PIWIL2: variants seen among roughly 807,000 people sequenced by gnomAD.
The protein encoded by PIWIL2 is piwi-like protein 2.
A neutral mutation model predicts 116.5 loss-of-function variants in PIWIL2; 81 were observed. The observed-to-expected ratio is 0.70, with a 90% CI of 0.58 to 0.84. The LOEUF (loss-of-function observed/expected upper bound fraction) is 0.84. PIWIL2 is among the 40% of genes least tolerant of loss of function. The pLI, the probability that PIWIL2 is intolerant of heterozygous loss-of-function variation, is 0.00. For synonymous variants in PIWIL2, 489 were observed against 429.5 expected (o/e 1.14, Z -1.71); for missense variants, 1,272 against 1,212.3 (o/e 1.05, Z -0.73).
At chr8:22,289,145 C>CTTTTTTTTT (rs1263159507) in intron 8 of PIWIL2, among the ~76,000 whole-genome samples, 1 of 146,378 alleles carries the variant, frequency 6.8e-6, no homozygotes, top group Admixed American at 6.8e-5. Flanking sequence ...CTTTTCTTTT[C>CTTTTTTTTT]TTTTTTCTTT....
chr8:22,352,326 T>A (rs971723352), intron 20 of PIWIL2, among the ~76,000 whole-genome samples: 1 of 152,254 alleles, frequency 6.6e-6, no homozygotes, highest in Admixed American at 6.5e-5. Flanking sequence ...TCAAATTGCT[T>A]CAAGCAAGCA....
intron 13 of PIWIL2, among the ~76,000 whole-genome samples, chr8:22,306,740 A>AT (rs1383218204): frequency 3.9e-5 from 6 of 152,104 alleles, no homozygotes; most frequent in Non-Finnish European, 8.8e-5. Context: ...CCTATGAGAG[A>AT]TTTTTTTCAT....
At chr8:22,318,412 G>A (rs1192511663) in intron 20 of PIWIL2, 137 bp downstream of exon 20, 11 of 556,140 alleles carry the variant, frequency 2.0e-5, no homozygotes, top group Non-Finnish European at 2.6e-5. Flanking sequence ...CTGCCTCCTG[G>A]GTTCAAGCGG....
intron 20 of PIWIL2, among the ~76,000 whole-genome samples, chr8:22,330,351 CT>C (rs2132077776): frequency 6.6e-6 from 1 of 152,210 alleles, no homozygotes; most frequent in Non-Finnish European, 1.5e-5. Context: ...CATTCTCATA[CT>C]TTCGTTAAGG....
intron 19 of PIWIL2, among the ~76,000 whole-genome samples, chr8:22,317,304 T>G (rs1013423091): frequency 1.3e-5 from 2 of 152,224 alleles, no homozygotes; most frequent in African/African-American, 4.8e-5. Context: ...TTATTCATAT[T>G]AACAGTTGCC....
At chr8:22,349,400 G>A (rs545989587) in intron 20 of PIWIL2, among the ~76,000 whole-genome samples, 10 of 134,184 alleles carry the variant, frequency 7.5e-5, no homozygotes, top group South Asian at 2.6e-4. Context: ...CAACTTTTGT[G>A]TACAATATAT....
chr8:22,326,984 T>C (rs994144187), intron 20 of PIWIL2, among the ~76,000 whole-genome samples: 2 of 151,444 alleles, frequency 1.3e-5, no homozygotes, highest in Non-Finnish European at 2.9e-5. Flanking sequence ...TTTCAGTTTC[T>C]CCAAACAATT....
intron 20 of PIWIL2, among the ~76,000 whole-genome samples, chr8:22,346,252 A>AGG (rs1832224126): frequency 6.6e-6 from 1 of 152,192 alleles, no homozygotes; most frequent in Admixed American, 6.5e-5. Flanking sequence ...AGTAAATAAA[A>AGG]GGATGAGTTT....
At chr8:22,346,382 A>G (rs1474671301) in intron 20 of PIWIL2, among the ~76,000 whole-genome samples, 1 of 152,188 alleles carries the variant, frequency 6.6e-6, no homozygotes, top group African/African-American at 2.4e-5. Context: ...ATGCCTTCGC[A>G]TGCTTGGCTG....
chr8:22,348,966 A>G (rs1375807460), intron 20 of PIWIL2, among the ~76,000 whole-genome samples: 3 of 151,688 alleles, frequency 2.0e-5, no homozygotes, highest in East Asian at 1.9e-4. Context: ...GGTGCCTTGA[A>G]CTCAGTGGTT....
chr8:22,285,867 A>C (rs939715209), intron 6 of PIWIL2, among the ~76,000 whole-genome samples: 9 of 151,646 alleles, frequency 5.9e-5, no homozygotes, highest in Admixed American at 4.6e-4. Context: ...CTGGTCTCAA[A>C]CTCCTGACCT....
intron 20 of PIWIL2, among the ~76,000 whole-genome samples, chr8:22,352,567 CT>C (rs1358867370): frequency 1.3e-5 from 2 of 152,140 alleles, no homozygotes; most frequent in East Asian, 3.8e-4. Context: ...GTTAGAATTT[CT>C]CTAACACTTT....
Position 22,279,568 on chromosome 8 carries a change from G to C in PIWIL2, c.182G>C (p.Arg61Thr). 6.2e-7 allele frequency: 1 copy of C among 1,614,116 alleles called. No individual in the cohort carries two copies. Among genetic ancestry groups the C allele is most frequent in the Non-Finnish European group, 8.5e-7 (1 of 1,179,960 alleles). The change falls in exon 2 of 23, where the codon AGG becomes ACG. Residue 61 changes from arginine (R) to threonine (T), a missense_variant. Arg to Thr is a moderately conservative substitution (Grantham distance 71, BLOSUM62 -1). Transcript: ENST00000356766. ...FGKPEEPSTQRGPAQRESVGL... is the reference protein window; with the variant it reads ...FGKPEEPSTQTGPAQRESVGL... ...AAGCCAGAGGAACCAAGCACACAGA[G>C]GGGGCCAGCACAAAGGGTAAGACCA...
chr8:22,300,083 C>T (rs371161016), intron 10 of PIWIL2, among the ~76,000 whole-genome samples: 32 of 152,108 alleles, frequency 2.1e-4, no homozygotes, highest in Middle Eastern at 6.8e-3. Context: ...CCTGCCACCA[C>T]GCCCAGCTAT....
At position 22,304,049 on chromosome 8, in the gene PIWIL2, C is replaced by A; in HGVS notation, c.1210C>A (p.His404Asn). 2 of 1,612,324 alleles carry A rather than the reference C, an allele frequency of 1.2e-6. No individual in the cohort carries two copies. Among genetic ancestry groups the A allele is most frequent in the Non-Finnish European group, 1.7e-6 (2 of 1,179,184 alleles). ...MHAIYQQNKE[H>N]FQDECTKLLV... ...TGCCATTTATCAGCAGAATAAAGAA[C>A]ACTTCCAGGATGAGTGTACTAAGCT... The change falls in exon 11 of 23, where the codon CAC becomes AAC. Residue 404 changes from histidine (H) to asparagine (N), a missense_variant. Physicochemically the swap from His to Asn is moderately conservative, Grantham distance 68 (BLOSUM62 1). Transcript: ENST00000356766.
At chr8:22,350,634 CTG>C (rs1247941971) in intron 20 of PIWIL2, among the ~76,000 whole-genome samples, 1 of 152,052 alleles carries the variant, frequency 6.6e-6, no homozygotes. Context: ...CTGGTGCAAT[CTG>C]AGACTGTGAA....
intron 20 of PIWIL2, among the ~76,000 whole-genome samples, chr8:22,322,611 A>G (rs1483769561): frequency 6.7e-6 from 1 of 148,448 alleles, no homozygotes; most frequent in East Asian, 2.0e-4. Context: ...GTCCCATCCC[A>G]TCTTGTCCTG....
At chr8:22,333,485 G>A (rs1831908095) in intron 20 of PIWIL2, among the ~76,000 whole-genome samples, 1 of 152,056 alleles carries the variant, frequency 6.6e-6, no homozygotes, top group Admixed American at 6.6e-5. Flanking sequence ...GGTGGCACAT[G>A]CCTGTAATCC....
intron 16 of PIWIL2, 32 bp from the exon 17 acceptor site, chr8:22,314,296 A>G (rs1175122824): frequency 8.2e-7 from 1 of 1,221,704 alleles, no homozygotes; most frequent in African/African-American, 1.5e-5. Context: ...AGAATTCCAC[A>G]GCCTGACTTG....
Sources: allele counts gnomAD v4.1 joint callset (sites outside exome capture counted in the v4.1 genomes callset), GRCh38; gene constraint gnomAD v4.1.1; transcripts MANE v1.5; gene names NCBI Gene and HGNC (gene_info 2026-07-23, HGNC 2026-07-21).